The following GPR141 variants were observed in gnomAD, a reference collection of about 807,000 sequenced individuals.
The protein encoded by GPR141 is probable G protein-coupled receptor 141.
In GPR141, 6 loss-of-function variants were observed where a neutral mutation model predicts 6.8. That is an observed-to-expected ratio of 0.88 (90% CI 0.48 to 1.74). The LOEUF (loss-of-function observed/expected upper bound fraction) is 1.74. GPR141 is among the 40% of genes most tolerant of loss of function. The pLI is 0.01. For synonymous variants in GPR141, 140 were observed against 142.3 expected (o/e 0.98, Z 0.11); for missense variants, 372 against 372.9 (o/e 1.00, Z 0.02).
intron 2 of GPR141, among the ~76,000 whole-genome samples, chr7:37,694,923 G>GT (rs1809946604): frequency 6.6e-6 from 1 of 152,180 alleles, no homozygotes; most frequent in African/African-American, 2.4e-5. Flanking sequence ...CTAGAGCTCA[G>GT]TGACTGGGAA....
chr7:37,701,913 A>G (rs1008754109), intron 2 of GPR141, among the ~76,000 whole-genome samples: 22 of 152,184 alleles, frequency 1.4e-4, no homozygotes, highest in African/African-American at 2.2e-4. Flanking sequence ...ACTTATTTCA[A>G]TGCTTTCCTA....
chr7:37,707,481 G>A (rs1404792802), intron 2 of GPR141, among the ~76,000 whole-genome samples: 1 of 152,152 alleles, frequency 6.6e-6, no homozygotes, highest in Non-Finnish European at 1.5e-5. Flanking sequence ...CTGGCCCTCT[G>A]AGGAAGGTAC....
chr7:37,707,279 C>T (rs1810569729), intron 2 of GPR141, among the ~76,000 whole-genome samples: 1 of 152,146 alleles, frequency 6.6e-6, no homozygotes, highest in African/African-American at 2.4e-5. Flanking sequence ...ACCGTTATTA[C>T]CATTATCCCC....
At chr7:37,736,310 A>C (rs972175592) in intron 2 of GPR141, among the ~76,000 whole-genome samples, 4 of 152,242 alleles carry the variant, frequency 2.6e-5, no homozygotes, top group African/African-American at 9.6e-5. Flanking sequence ...ATGTATATAA[A>C]ATTCAGAAAA....
chr7:37,695,935 G>T (rs1412080640), intron 2 of GPR141, among the ~76,000 whole-genome samples: 1 of 152,062 alleles, frequency 6.6e-6, no homozygotes, highest in African/African-American at 2.4e-5. Context: ...TAGGTCCCTT[G>T]TATAAATGAA....
At chr7:37,691,828 T>G (rs78214558) in intron 2 of GPR141, among the ~76,000 whole-genome samples, 2 of 152,186 alleles carry the variant, frequency 1.3e-5, no homozygotes, top group Non-Finnish European at 2.9e-5. Flanking sequence ...TTTAACACTT[T>G]GAATATGTCA....
intron 2 of GPR141, among the ~76,000 whole-genome samples, chr7:37,719,142 G>A (rs983012808): frequency 6.6e-6 from 1 of 152,188 alleles, no homozygotes; most frequent in East Asian, 1.9e-4. Flanking sequence ...GGTTGGTTCT[G>A]CCATGCCAGA....
At chr7:37,716,281 A>G (rs1056913716) in intron 2 of GPR141, among the ~76,000 whole-genome samples, 2 of 152,248 alleles carry the variant, frequency 1.3e-5, no homozygotes, top group African/African-American at 4.8e-5. Context: ...AGCTAAATTA[A>G]TAACTATAAT....
At position 37,722,787 on chromosome 7, in the gene GPR141, A is replaced by G. The variant is rs143470666; in HGVS notation, c.-14-17593A>G. On this transcript the variant is annotated intron_variant, in intron 2 of 2. Coordinates refer to ENST00000334425, the MANE Select transcript of GPR141 (RefSeq NM_001381946.1). ...ACTTTGGTATTATACATTACTAGCA[A>G]AAAACATGGTTTGAAAATTGAGGTG... Among the ~76,000 whole-genome samples, 608 of 152,238 alleles carry G rather than the reference A, an allele frequency of 4.0e-3. 6 individuals are homozygous for G. The highest frequency in any genetic ancestry group is 0.014 in the African/African-American group (578 of 41,540).
In GPR141 at chr7:37,741,428, C is replaced by A; in HGVS notation, c.*117C>A. 2 of 745,122 alleles carry A rather than the reference C, an allele frequency of 2.7e-6. No individual in the cohort carries two copies. Among genetic ancestry groups the A allele is most frequent in the South Asian group, 2.0e-5 (1 of 51,096 alleles). 46.2% of individuals were successfully genotyped at this position (745,122 alleles called of 1,614,324 possible). On this transcript the variant is annotated 3_prime_UTR_variant, in exon 3 of 3. Transcript: ENST00000334425. ...AAACCATGCCTTGATGTACCCAAAA[C>A]AAAAGGACTATAAAATGCAAGAGCC...
chr7:37,742,739 T>A lies in GPR141; in HGVS notation c.*1428T>A, dbSNP rs1293970548. ...ATAATCCTTTAAAATATAGGAAAAA[T>A]AACTAATGGGAACTAGGCTTAATAC... On this transcript the variant is annotated 3_prime_UTR_variant, in exon 3 of 3. Transcript: ENST00000334425. 6.6e-6 allele frequency among the ~76,000 whole-genome samples: 1 copy of A among 151,898 alleles called. No individual in the cohort carries two copies. The highest frequency in any genetic ancestry group is 2.4e-5 in the African/African-American group (1 of 41,354).
chr7:37,686,347 T>A (rs1809512387), intron 2 of GPR141, among the ~76,000 whole-genome samples: 1 of 152,202 alleles, frequency 6.6e-6, no homozygotes, highest in Non-Finnish European at 1.5e-5. Flanking sequence ...TTTCAATTGA[T>A]CAAAGATTTC....
chr7:37,742,022 C>T lies in GPR141; in HGVS notation c.*711C>T, dbSNP rs560062598. On this transcript the variant is annotated 3_prime_UTR_variant, in exon 3 of 3. Coordinates refer to ENST00000334425, the MANE Select transcript of GPR141 (RefSeq NM_001381946.1). ...GCTCCAAAAATCATTTAAAAGCTTA[C>T]TGGACATATCTACATAATGGTGAAA... is the stretch of plus-strand genomic sequence containing the variant. Among the ~76,000 whole-genome samples the T allele has an allele frequency of 6.6e-6, 1 of 152,242 alleles. No individual in the cohort carries two copies. Among genetic ancestry groups the T allele is most frequent in the South Asian group, 2.1e-4 (1 of 4,820 alleles).
At chr7:37,722,426 T>A (rs1473052662) in intron 2 of GPR141, among the ~76,000 whole-genome samples, 4 of 144,262 alleles carry the variant, frequency 2.8e-5, no homozygotes, top group Admixed American at 1.4e-4. Context: ...TTCCCTCTCT[T>A]AAAAAAAAAA....
At chr7:37,695,676 C>T (rs375358127) in intron 2 of GPR141, among the ~76,000 whole-genome samples, 2 of 152,144 alleles carry the variant, frequency 1.3e-5, no homozygotes, top group Non-Finnish European at 2.9e-5. Flanking sequence ...TCTGCTTTAG[C>T]CTTTTTTATT....
At chr7:37,721,029 A>G (rs1811300590) in intron 2 of GPR141, among the ~76,000 whole-genome samples, 1 of 152,226 alleles carries the variant, frequency 6.6e-6, no homozygotes, top group Non-Finnish European at 1.5e-5. Flanking sequence ...GTCTAGGGGA[A>G]TCCACAGCTC....
rs146529395 is a variant in GPR141, at chr7:37,741,003, A to C, written c.610A>C (p.Ile204Leu). ...VILLVFQVFIIMLMVQKLRHS... is the reference protein window; with the variant it reads ...VILLVFQVFILMLMVQKLRHS... ...TCTGTTGGTCTTCCAGGTCTTCATC[A>C]TTATGTTGATGGTGCAGAAGCTACG... Residue 204 changes from isoleucine to leucine, a missense_variant, in exon 3 of 3, where the codon ATT (isoleucine) becomes CTT (leucine). Physicochemically the swap from Ile to Leu is conservative, Grantham distance 5. Transcript: ENST00000334425. 9.3e-6 allele frequency: 15 copies of C among 1,613,916 alleles called. No individual in the cohort carries two copies. The African/African-American group carries it at 2.0e-4, about 22-fold the overall frequency.
chr7:37,696,239 A>G (rs926092437), intron 2 of GPR141, among the ~76,000 whole-genome samples: 2 of 152,238 alleles, frequency 1.3e-5, no homozygotes, highest in African/African-American at 4.8e-5. Flanking sequence ...CTGTAGGTTA[A>G]TGGATGTCTT....
At position 37,741,306 on chromosome 7, in the gene GPR141, C is replaced by A. The variant is rs76924160; in HGVS notation, c.913C>A (p.Arg305Ser). Residue 305 changes from arginine (R) to serine (S), a missense_variant, in exon 3 of 3, where the codon CGT (arginine) becomes AGT (serine). Coordinates refer to ENST00000334425, the MANE Select transcript of GPR141 (RefSeq NM_001381946.1). ...TGGCTTATGGAATTGTGTTTTGTGC[C>A]GTTAGCCACAAACTACAGTATTCAT... ...IIGLWNCVLC[R>S] The A allele has an allele frequency of 1.3e-6, 2 of 1,577,682 alleles. No individual in the cohort carries two copies. Among genetic ancestry groups the A allele is most frequent in the African/African-American group, 1.4e-5 (1 of 73,512 alleles).
Sources: allele counts gnomAD v4.1 joint callset (sites outside exome capture counted in the v4.1 genomes callset), GRCh38; gene constraint gnomAD v4.1.1; transcripts MANE v1.5; gene names NCBI Gene and HGNC (gene_info 2026-07-23, HGNC 2026-07-21).